Variants in TTC7A observed in about 807,000 individuals in gnomAD.
TTC7A encodes tetratricopeptide repeat protein 7A.
Under a neutral mutation model 103.7 loss-of-function variants are expected in TTC7A, and 110 were observed. The ratio of observed to expected loss-of-function variants is 1.06; its 90% CI spans 0.91 to 1.24. The LOEUF (loss-of-function observed/expected upper bound fraction) is 1.24, where lower values mean the gene tolerates loss of function less well. TTC7A is among the 50% of genes most tolerant of loss of function. TTC7A has a pLI of 0.00. For synonymous variants in TTC7A, 521 were observed against 467.9 expected, an observed-to-expected ratio of 1.11 and a Z score of -1.47; for missense variants, 1,340 against 1,116.3, an observed-to-expected ratio of 1.20 and a Z score of -2.86.
At chr2:47,044,565 C>G (rs752169717) in intron 15 of TTC7A, among the ~76,000 whole-genome samples, 1 of 152,132 alleles carries the variant, frequency 6.6e-6, no homozygotes, top group African/African-American at 2.4e-5. Context: ...GATAGGCAAG[C>G]CAGGTGGTCG....
chr2:46,932,003 C>A (rs1669730956), intron 2 of TTC7A, among the ~76,000 whole-genome samples: 1 of 152,130 alleles, frequency 6.6e-6, no homozygotes, highest in East Asian at 1.9e-4. Context: ...GAAGAAAAAT[C>A]ATATGACAAT....
intron 12 of TTC7A, among the ~76,000 whole-genome samples, chr2:47,022,741 C>T (rs867154427): frequency 6.6e-6 from 1 of 152,224 alleles, no homozygotes; most frequent in Non-Finnish European, 1.5e-5. Flanking sequence ...TCTGCACATG[C>T]TGGTCAAGTG....
In TTC7A at chr2:46,956,842, C is replaced by T; in HGVS notation, c.352C>T (p.Gln118Ter). Residue 118 changes from glutamine (Q) to a stop codon, truncating the protein, a stop_gained, in exon 3 of 20, where the codon CAG (glutamine) becomes TAG (stop). Coordinates refer to ENST00000319190, the MANE Select transcript of TTC7A (RefSeq NM_020458.4). LOFTEE classifies it high-confidence loss of function. Reference protein sequence around the residue: ...SILNHGRLSPQYMCEAMLILG... With the variant: ...SILNHGRLSP ...TAACATGTCCTTGTCATTTCAGCCA[C>T]AGTACATGTGTGAGGCCATGCTGAT... is the stretch of plus-strand genomic sequence containing the variant. 2 of 1,614,140 alleles carry T rather than the reference C, an allele frequency of 1.2e-6. No homozygotes were observed. The highest frequency in any genetic ancestry group is 1.7e-6 in the Non-Finnish European group (2 of 1,180,002).
At chr2:46,924,626 C>A (rs1558474999) in intron 2 of TTC7A, among the ~76,000 whole-genome samples, 1 of 147,616 alleles carries the variant, frequency 6.8e-6, no homozygotes, top group African/African-American at 2.5e-5. Context: ...TGGATATTTT[C>A]TTTTTTTTTT....
At chr2:46,917,197 T>G (rs1481687202) in exon 2 of TTC7A, 1 of 701,208 alleles carries the variant, frequency 1.4e-6, no homozygotes, top group Non-Finnish European at 2.6e-6. Context: ...AGAGTCTCCA[T>G]GGTGCCCAGC....
At chr2:46,966,403 T>C (rs1361575814) in intron 3 of TTC7A, among the ~76,000 whole-genome samples, 1 of 152,244 alleles carries the variant, frequency 6.6e-6, no homozygotes, top group African/African-American at 2.4e-5. Flanking sequence ...CTTTTTTCCC[T>C]ATAGGATTAT....
intron 14 of TTC7A, among the ~76,000 whole-genome samples, chr2:47,028,623 C>G (rs1031433956): frequency 2.6e-5 from 4 of 152,306 alleles, no homozygotes; most frequent in African/African-American, 9.6e-5. Flanking sequence ...AAATCCAGAC[C>G]CTTAGAATGT....
At chr2:47,010,666 A>G (rs1314342523) in intron 10 of TTC7A, among the ~76,000 whole-genome samples, 1 of 151,874 alleles carries the variant, frequency 6.6e-6, no homozygotes, top group Non-Finnish European at 1.5e-5. Context: ...CAACCCCGCC[A>G]TTGGCCATGC....
chr2:46,959,857 G>A (rs184864615), intron 3 of TTC7A, among the ~76,000 whole-genome samples: 4 of 152,170 alleles, frequency 2.6e-5, no homozygotes, highest in Admixed American at 2.6e-4. Flanking sequence ...CATCACATGC[G>A]TATTTGTGTA....
intron 14 of TTC7A, 59 bp from the exon 15 acceptor site, chr2:47,029,165 C>T (rs1041317709): frequency 1.3e-6 from 2 of 1,594,956 alleles, no homozygotes; most frequent in African/African-American, 1.3e-5. Flanking sequence ...GCACGTGGCT[C>T]CTGAGTCCCA....
intron 2 of TTC7A, among the ~76,000 whole-genome samples, chr2:46,930,229 T>C (rs936161701): frequency 8.5e-5 from 13 of 152,094 alleles, no homozygotes; most frequent in African/African-American, 3.1e-4. Flanking sequence ...AAACTGGTTC[T>C]TTTTTCAAAA....
chr2:47,053,543 T>TTGGTTGGTTGGTTGGTTGGTTGG (rs56072760), intron 18 of TTC7A, among the ~76,000 whole-genome samples: 27 of 140,138 alleles, frequency 1.9e-4, no homozygotes, highest in Non-Finnish European at 3.1e-4. Context: ...TGTTTGTTTG[T>TTGGTTGGTTGGTTGGTTGGTTGG]TTGGTTGGTT....
chr2:46,941,822 G>A lies in TTC7A; in HGVS notation c.184+97G>A, dbSNP rs545167988. 4.9e-5 allele frequency: 71 copies of A among 1,459,542 alleles called. 3 individuals carry two copies. In the East Asian group the frequency reaches 1.7e-3, roughly 34 times the overall value. The allele number at this position is 1,459,542 out of a possible 1,614,324, so 90.4% of individuals were successfully genotyped here. ...CCAGACAGTCCTCGGCCGACAGCGG[G>A]CGCCTGCCAGCCCACCGTGCTAGTC... On this transcript the variant is annotated intron_variant, in intron 1 of 19. Coordinates refer to ENST00000319190, the MANE Select transcript of TTC7A (RefSeq NM_020458.4). The surrounding 1 kb of genome is among the most constrained non-coding windows in gnomAD (Gnocchi z 4.2).
chr2:47,056,788 T>G (rs1683358754), intron 18 of TTC7A, among the ~76,000 whole-genome samples: 1 of 150,326 alleles, frequency 6.7e-6, no homozygotes, highest in Non-Finnish European at 1.5e-5. Context: ...GGTCAGGGGG[T>G]AGGCAGGAGG....
intron 2 of TTC7A, among the ~76,000 whole-genome samples, chr2:46,929,633 G>A (rs1020304596): frequency 6.6e-5 from 10 of 152,156 alleles, no homozygotes; most frequent in Non-Finnish European, 1.3e-4. Context: ...CGGGGGTACA[G>A]CTAACACAGA....
upstream of TTC7A, among the ~76,000 whole-genome samples, chr2:46,940,566 T>G: frequency 6.6e-6 from 1 of 152,098 alleles, no homozygotes; most frequent in East Asian, 1.9e-4. This position sits in a 1 kb window ranked among gnomAD's most constrained non-coding sequence, Gnocchi z 4.7. Flanking sequence ...CATGAAGAAA[T>G]AAATAAATAC....
At chr2:46,981,444 G>A (rs1473085389) in intron 5 of TTC7A, among the ~76,000 whole-genome samples, 3 of 152,112 alleles carry the variant, frequency 2.0e-5, no homozygotes, top group Admixed American at 6.5e-5. Context: ...GGCTTGATCT[G>A]GGCTTTGGTG....
intron 2 of TTC7A, among the ~76,000 whole-genome samples, chr2:46,950,926 C>T (rs1671352369): frequency 1.3e-5 from 2 of 152,216 alleles, no homozygotes; most frequent in African/African-American, 2.4e-5. Flanking sequence ...TTTTAAATTA[C>T]ACATGTGGTT....
chr2:47,053,530 T>C (rs200232316), intron 18 of TTC7A, among the ~76,000 whole-genome samples: 41 of 138,850 alleles, frequency 3.0e-4, no homozygotes, highest in Non-Finnish European at 9.6e-5. Flanking sequence ...TGGTGGGTTT[T>C]TTTGTTTGTT....
Sources: allele counts gnomAD v4.1 joint callset (sites outside exome capture counted in the v4.1 genomes callset), GRCh38; gene constraint gnomAD v4.1.1; non-coding constraint Gnocchi (gnomAD v3.1); transcripts MANE v1.5; gene names NCBI Gene and HGNC (gene_info 2026-07-23, HGNC 2026-07-21).